Variants in LDB2 observed in about 807,000 individuals in gnomAD.
LDB2 encodes the protein LIM domain-binding protein 2.
A neutral mutation model predicts 44.3 loss-of-function variants in LDB2; 12 were observed. That is an observed-to-expected ratio of 0.27 (90% CI 0.17 to 0.44). The LOEUF (loss-of-function observed/expected upper bound fraction) is 0.44. Among genes scored for constraint, LDB2 ranks in the 20% least tolerant of loss-of-function variants. The pLI, the probability that LDB2 is intolerant of heterozygous loss-of-function variation, is 1.00. For missense variants in LDB2, 344 were observed against 473.5 expected (o/e 0.73, Z 2.54); for synonymous variants, 164 against 174.8 (o/e 0.94, Z 0.49).
chr4:16,534,520 T>A (rs10516302), intron 5 of LDB2, among the ~76,000 whole-genome samples: 5,811 of 152,296 alleles, frequency 0.038, 163 homozygotes, highest in Non-Finnish European at 0.054. Flanking sequence ...TTCTGAGTAA[T>A]GAAAAAATGT....
chr4:16,839,008 A>T (rs1219143082), intron 1 of LDB2, among the ~76,000 whole-genome samples: 3 of 152,262 alleles, frequency 2.0e-5, no homozygotes, highest in Admixed American at 1.3e-4. Flanking sequence ...CCCCAAGCAT[A>T]TTCTGCAGAA....
At chr4:16,557,601 G>A (rs1740226524) in intron 5 of LDB2, among the ~76,000 whole-genome samples, 1 of 152,250 alleles carries the variant, frequency 6.6e-6, no homozygotes, top group South Asian at 2.1e-4. Flanking sequence ...CTCAAGGAGG[G>A]CTGCCTGCCT....
At chr4:16,681,132 C>T (rs772756917) in intron 2 of LDB2, among the ~76,000 whole-genome samples, 1 of 152,068 alleles carries the variant, frequency 6.6e-6, no homozygotes, top group African/African-American at 2.4e-5. Context: ...TTAAAGTGAC[C>T]AATTACATGA....
At chr4:16,563,480 G>T (rs1414228863) in intron 5 of LDB2, among the ~76,000 whole-genome samples, 3 of 103,368 alleles carry the variant, frequency 2.9e-5, no homozygotes, top group Admixed American at 1.6e-4. Flanking sequence ...ATGGAGTCTC[G>T]CTCTGTCACC....
chr4:16,732,857 T>C (rs1214704471), intron 2 of LDB2, among the ~76,000 whole-genome samples: 1 of 152,170 alleles, frequency 6.6e-6, no homozygotes. Flanking sequence ...ATGAACACTC[T>C]ACACTTAGAA....
At chr4:16,509,350 A>G (rs1720811090) in intron 6 of LDB2, among the ~76,000 whole-genome samples, 1 of 152,204 alleles carries the variant, frequency 6.6e-6, no homozygotes, top group Non-Finnish European at 1.5e-5. Flanking sequence ...GCTAGAAAAA[A>G]ATATGTCTGA....
At chr4:16,659,671 G>GTATATATA (rs58539901) in intron 2 of LDB2, among the ~76,000 whole-genome samples, 8 of 133,520 alleles carry the variant, frequency 6.0e-5, no homozygotes, top group African/African-American at 2.4e-4. Context: ...ATCTATGTGT[G>GTATATATA]TATATATATA....
At chr4:16,635,873 T>C (rs1253116012) in intron 2 of LDB2, among the ~76,000 whole-genome samples, 1 of 152,114 alleles carries the variant, frequency 6.6e-6, no homozygotes. Context: ...TCACGGTCTA[T>C]AGTATAGGTG....
rs530122137 is a variant in LDB2, at chr4:16,549,340, A to G, written c.615+36582T>C. On this transcript the variant is annotated intron_variant, in intron 5 of 7. Transcript: ENST00000304523. ...GCATTAGGGGTCTACTCTTAACAAG[A>G]CCAACTTCACTGCTCTGGTTAGCAA... 2.0e-5 allele frequency among the ~76,000 whole-genome samples: 3 copies of G among 152,336 alleles called. No homozygotes were observed. In the South Asian group the frequency reaches 6.2e-4, roughly 32 times the overall value.
rs377068074 is a variant in LDB2 at position 16,594,988 on chromosome 4, C to A, written c.408+715G>T. Among the ~76,000 whole-genome samples, 6 of 152,178 alleles carry A rather than the reference C, an allele frequency of 3.9e-5. No individual in the cohort carries two copies. In the East Asian group the frequency reaches 7.7e-4, roughly 20 times the overall value. On this transcript the variant is annotated intron_variant, in intron 3 of 7. Coordinates refer to ENST00000304523, the MANE Select transcript of LDB2 (RefSeq NM_001290.5). ...ATTATCTGTAGTGTTCCAGAAAGGT[C>A]TTTGGTGAGAGGGAATATTCCATAT...
chr4:16,503,092 G>A, intron 7 of LDB2: 2 of 1,537,138 alleles, frequency 1.3e-6, no homozygotes, highest in Non-Finnish European at 1.7e-6. Context: ...TATGTCCTTA[G>A]TGCGCAGCCT....
chr4:16,788,497 C>T (rs779916453), intron 1 of LDB2, among the ~76,000 whole-genome samples: 2 of 152,200 alleles, frequency 1.3e-5, no homozygotes, highest in African/African-American at 4.8e-5. Context: ...AGTGTCTGAG[C>T]GAAACCAAGA....
At chr4:16,842,003 T>C (rs920960381) in intron 1 of LDB2, among the ~76,000 whole-genome samples, 3 of 152,204 alleles carry the variant, frequency 2.0e-5, no homozygotes, top group African/African-American at 7.2e-5. Flanking sequence ...ATTCTAGAAG[T>C]CTATAAAGGT....
chr4:16,577,596 C>A (rs1173332424), intron 5 of LDB2, among the ~76,000 whole-genome samples: 1 of 152,060 alleles, frequency 6.6e-6, no homozygotes, highest in African/African-American at 2.4e-5. Context: ...GAAAGATATT[C>A]CATTTTCACT....
At chr4:16,778,948 G>A (rs1247643241) in intron 1 of LDB2, among the ~76,000 whole-genome samples, 4 of 152,304 alleles carry the variant, frequency 2.6e-5, no homozygotes, top group Admixed American at 2.6e-4. Flanking sequence ...AAGAACATCT[G>A]ATTCCCAGGC....
intron 2 of LDB2, among the ~76,000 whole-genome samples, chr4:16,655,921 A>G (rs547064624): frequency 0.065 from 1,456 of 22,510 alleles, 37 homozygotes; most frequent in African/African-American, 0.18. Context: ...TTTTTTTGAG[A>G]TGGAGTCTCG....
chr4:16,685,320 T>C (rs1455485416), intron 2 of LDB2, among the ~76,000 whole-genome samples: 2 of 152,204 alleles, frequency 1.3e-5, no homozygotes, highest in Non-Finnish European at 2.9e-5. Context: ...TCTGCCTCCC[T>C]AAAATCAGGG....
chr4:16,692,251 G>T (rs1750962860), intron 2 of LDB2, among the ~76,000 whole-genome samples: 1 of 152,160 alleles, frequency 6.6e-6, no homozygotes, highest in South Asian at 2.1e-4. Flanking sequence ...GTACAAGTTG[G>T]ATATACATAC....
intron 2 of LDB2, among the ~76,000 whole-genome samples, chr4:16,674,533 G>A (rs1176688870): frequency 6.6e-6 from 1 of 152,132 alleles, no homozygotes; most frequent in African/African-American, 2.4e-5. Context: ...ATTTTTGAAA[G>A]GTGAGGATTA....
Sources: gnomAD v4.1 joint callset for allele counts (sites outside exome capture counted in the v4.1 genomes callset) on GRCh38, gnomAD v4.1.1 for gene constraint, MANE v1.5 for transcripts, NCBI Gene and HGNC (gene_info 2026-07-23, HGNC 2026-07-21) for gene names.